The following AR variants were observed in gnomAD, a reference collection of about 807,000 sequenced individuals.
AR encodes dihydrotestosterone receptor.
AR carries 8 observed loss-of-function variants against 53.9 expected under a neutral mutation model. The observed-to-expected ratio is 0.15, with a 90% CI of 0.09 to 0.27. The LOEUF (loss-of-function observed/expected upper bound fraction) is 0.27, where lower values mean the gene tolerates loss of function less well. Ranked by LOEUF, AR falls within the 10% of genes least tolerant of loss-of-function variation. AR has a pLI of 1.00. For missense variants in AR, 639 were observed against 742.5 expected (o/e 0.86, Z 1.62); for synonymous variants, 359 against 316.4 (o/e 1.13, Z -1.43).
chrX:67,698,526 G>A, intron 3 of AR, among the ~76,000 whole-genome samples: 1 of 112,722 alleles, frequency 8.9e-6, no homozygotes, highest in South Asian at 3.7e-4. Context: ...GAAGGTATTT[G>A]AGTTTATGAC....
chrX:67,661,147 T>C (rs1387024510), intron 2 of AR, among the ~76,000 whole-genome samples: 1 of 111,840 alleles, frequency 8.9e-6, no homozygotes, highest in African/African-American at 3.3e-5. Context: ...TATACAATCA[T>C]GTCATCTGCA....
intron 1 of AR, among the ~76,000 whole-genome samples, chrX:67,601,388 TA>T (rs1179590629): frequency 1.8e-5 from 2 of 111,852 alleles, no homozygotes; most frequent in South Asian, 7.5e-4. Flanking sequence ...AGTTGCTTGA[TA>T]GTAAATGCTA....
chrX:67,628,011 C>A (rs1235886765), intron 1 of AR, among the ~76,000 whole-genome samples: 1 of 111,571 alleles, frequency 9.0e-6, no homozygotes, highest in East Asian at 2.8e-4. Context: ...TCTTTTGGTA[C>A]CAGTACCATG....
rs993419048 is a variant in AR at position 67,695,965 on chromosome X, C to G, written c.1885+9839C>G. 11 of 751,398 alleles carry G rather than the reference C, an allele frequency of 1.5e-5. No individual in the cohort carries two copies. The African/African-American group carries it at 2.3e-4, about 16-fold the overall frequency. The allele number at this position is 751,398 out of a possible 1,213,427, so 61.9% of individuals were successfully genotyped here. ...AATCTCCAGACCAACAAGAAGTTCC[C>G]TAATGTGGATTGAAAGGCTAATGAG... is the stretch of plus-strand genomic sequence containing the variant. On this transcript the variant is annotated intron_variant, in intron 3 of 7. Transcript: ENST00000374690.
At chrX:67,567,757 A>G (rs933489255) in intron 1 of AR, among the ~76,000 whole-genome samples, 13 of 112,380 alleles carry the variant, frequency 1.2e-4, no homozygotes, top group Non-Finnish European at 1.9e-4. Context: ...ATTGGAAGAT[A>G]AATTCTAATT....
At position 67,645,769 on chromosome X, in the gene AR, A is replaced by G. The variant is rs112456212; in HGVS notation, c.1768+2362A>G. Among the ~76,000 whole-genome samples, 324 of 106,248 alleles carry G rather than the reference A, an allele frequency of 3.0e-3. 1 individual carries two copies. The highest frequency in any genetic ancestry group is 0.01 in the African/African-American group (306 of 29,648). 92.3% of individuals were successfully genotyped at this position (106,248 alleles called of 115,157 possible). A position where few individuals can be genotyped will look rare whatever the true frequency, so the allele number is the denominator to read the frequency against. On this transcript the variant is annotated intron_variant, in intron 2 of 7. Coordinates refer to ENST00000374690, the MANE Select transcript of AR (RefSeq NM_000044.6). Reference sequence around the variant, plus strand: ...ACACAAACACACACCAGAATGAAGCAAAAAAAAAATTACTGGTGTTTTCTT... The same window carrying G: ...ACACAAACACACACCAGAATGAAGCGAAAAAAAAATTACTGGTGTTTTCTT...
intron 3 of AR, among the ~76,000 whole-genome samples, chrX:67,705,859 C>T (rs1164115523): frequency 2.0e-4 from 22 of 111,365 alleles, no homozygotes; most frequent in Admixed American, 1.8e-3. Flanking sequence ...GCATGAAGGG[C>T]TGTTGAATTT....
intron 1 of AR, among the ~76,000 whole-genome samples, chrX:67,636,640 C>T (rs1425713752): frequency 8.9e-6 from 1 of 112,079 alleles, no homozygotes; most frequent in Non-Finnish European, 1.9e-5. Context: ...ATGTGACCAA[C>T]TTTCTCTAGG....
At chrX:67,629,944 G>A (rs1209203583) in intron 1 of AR, among the ~76,000 whole-genome samples, 6 of 111,329 alleles carry the variant, frequency 5.4e-5, no homozygotes, top group Non-Finnish European at 7.5e-5. Context: ...GTAGTTGAGC[G>A]GTTTTGAGTG....
At position 67,730,351 on chromosome X, in the gene AR, C is replaced by A. The variant is rs1163265331; in HGVS notation, c.*6510C>A. ...TGTTCTCTTTTTGTAATCTTGGAAT[C>A]TTTTGTTGCTCTAAATACAATTAAA... On this transcript the variant is annotated 3_prime_UTR_variant, in exon 8 of 8. Transcript: ENST00000374690. The A allele has an allele frequency of 5.8e-6, 1 of 173,337 alleles. No homozygotes were observed. Among genetic ancestry groups the A allele is most frequent in the Non-Finnish European group, 1.1e-5 (1 of 90,963 alleles). 14.3% of individuals were successfully genotyped at this position (173,337 alleles called of 1,213,427 possible). A position where few individuals can be genotyped will look rare whatever the true frequency, so the allele number is the denominator to read the frequency against.
At chrX:67,695,403 T>C (rs1427998006) in intron 3 of AR, 1 of 751,570 alleles carries the variant, frequency 1.3e-6, no homozygotes, top group Admixed American at 8.9e-5. Flanking sequence ...TCAAACACAC[T>C]GAGAGACTAC....
Position 67,721,915 on chromosome X carries a change from AC to A in AR, c.2407del (p.Gln803ArgfsTer6). 8.3e-7 allele frequency: 1 copy of A among 1,210,366 alleles called. No individual in the cohort carries two copies. The highest frequency in any genetic ancestry group is 1.1e-6 in the Non-Finnish European group (1 of 895,115). On this transcript the variant is annotated frameshift_variant, in exon 6 of 8. Coordinates refer to ENST00000374690, the MANE Select transcript of AR (RefSeq NM_000044.6). LOFTEE classifies it high-confidence loss of function. ...LSQEFGWLQI[T>X]PQEFLCMKAL... ...TCAAGAGTTTGGATGGCTCCAAATCACCCCCCAGGAATTCCTGTGCATGAAA... is the reference window on the plus strand; with the variant it reads ...TCAAGAGTTTGGATGGCTCCAAATCACCCCCAGGAATTCCTGTGCATGAAA...
chrX:67,571,831 TA>T (rs200455952), intron 1 of AR, among the ~76,000 whole-genome samples: 71 of 106,641 alleles, frequency 6.7e-4, no homozygotes, highest in East Asian at 4.4e-3. Flanking sequence ...TAATGAAAAT[TA>T]AAAAAAAAAC....
At position 67,721,906 on chromosome X, in the gene AR, C is replaced by T; in HGVS notation, c.2392C>T (p.Leu798Phe). 1 of 1,211,321 alleles carries T rather than the reference C, an allele frequency of 8.3e-7. No individual in the cohort carries two copies. The highest frequency in any genetic ancestry group is 1.8e-5 in the South Asian group (1 of 56,949). ...GCACCTCTCTCAAGAGTTTGGATGG[C>T]TCCAAATCACCCCCCAGGAATTCCT... ...MRHLSQEFGWLQITPQEFLCM... is the reference protein window; with the variant it reads ...MRHLSQEFGWFQITPQEFLCM... The change falls in exon 6 of 8, where the codon CTC (leucine) becomes TTC (phenylalanine). Residue 798 changes from leucine to phenylalanine, a missense_variant. Leu to Phe is a conservative substitution (Grantham distance 22, BLOSUM62 0). This residue lies in a region of AR where 95 missense variants were observed against 196.4 expected (regional missense o/e 0.48). Transcript: ENST00000374690.
rs1299313221 is a variant in AR at position 67,546,581 on chromosome X, G to T, written c.1435G>T (p.Ala479Ser). ...CGGCGGCGGCGAGGCGGGAGCTGTA[G>T]CCCCCTACGGCTACACTCGGCCCCC... Reference protein sequence around the residue: ...GGGGGEAGAVAPYGYTRPPQG... With the variant: ...GGGGGEAGAVSPYGYTRPPQG... Residue 479 changes from alanine to serine, a missense_variant, in exon 1 of 8, where the codon GCC (alanine) becomes TCC (serine). Ala to Ser is a moderately conservative substitution (Grantham distance 99, BLOSUM62 1). Coordinates refer to ENST00000374690, the MANE Select transcript of AR (RefSeq NM_000044.6). 2.7e-6 allele frequency: 3 copies of T among 1,128,937 alleles called. No individual in the cohort carries two copies. In the South Asian group the frequency reaches 6.5e-5, roughly 24 times the overall value. The allele number at this position is 1,128,937 out of a possible 1,213,427, so 93.0% of individuals were successfully genotyped here.
At chrX:67,659,972 T>C (rs1406101331) in intron 2 of AR, among the ~76,000 whole-genome samples, 1 of 112,331 alleles carries the variant, frequency 8.9e-6, no homozygotes, top group Non-Finnish European at 1.9e-5. Flanking sequence ...CCAGTGATGA[T>C]GAGCATTTTT....
intron 1 of AR, among the ~76,000 whole-genome samples, chrX:67,632,460 C>T (rs999680280): frequency 1.2e-4 from 14 of 112,469 alleles, no homozygotes; most frequent in African/African-American, 2.6e-4. Flanking sequence ...TGACCCCTTG[C>T]GCTTCCCGAG....
intron 1 of AR, among the ~76,000 whole-genome samples, chrX:67,599,820 C>T (rs950774439): frequency 8.9e-6 from 1 of 112,176 alleles, no homozygotes; most frequent in African/African-American, 3.2e-5. Context: ...TAAATCCAAA[C>T]TTACAATTTT....
intron 1 of AR, among the ~76,000 whole-genome samples, chrX:67,617,751 T>A (rs1429467817): frequency 9.0e-6 from 1 of 111,282 alleles, no homozygotes; most frequent in Non-Finnish European, 1.9e-5. Context: ...TCCAAGGTCA[T>A]GCAAAGAGTT....
Sources: gnomAD v4.1 joint callset for allele counts (sites outside exome capture counted in the v4.1 genomes callset) on GRCh38, gnomAD v4.1.1 for gene constraint, gnomAD v4.1.1 regional missense constraint, MANE v1.5 for transcripts, NCBI Gene and HGNC (gene_info 2026-07-23, HGNC 2026-07-21) for gene names.